Variants in GREB1L observed in about 807,000 individuals in gnomAD.
GREB1L encodes the protein GREB1 like retinoic acid receptor coactivator.
In GREB1L, 17 loss-of-function variants were observed where a neutral mutation model predicts 200.8. The ratio of observed to expected loss-of-function variants is 0.08; its 90% CI spans 0.06 to 0.13. The LOEUF (loss-of-function observed/expected upper bound fraction) is 0.13, where lower values mean the gene tolerates loss of function less well. Among genes scored for constraint, GREB1L ranks in the 10% least tolerant of loss-of-function variants. GREB1L has a pLI of 1.00. For missense variants in GREB1L, 1,657 were observed against 2,367.7 expected, an observed-to-expected ratio of 0.70 and a Z score of 6.23; for synonymous variants, 789 against 893.0, an observed-to-expected ratio of 0.88 and a Z score of 2.08.
chr18:21,246,665 T>A (rs2037608001), intron 1 of GREB1L, among the ~76,000 whole-genome samples: 1 of 152,226 alleles, frequency 6.6e-6, no homozygotes, highest in African/African-American at 2.4e-5. Context: ...TCCAATAGAC[T>A]TTTTTCAAAC....
intron 23 of GREB1L, among the ~76,000 whole-genome samples, chr18:21,502,576 G>T (rs1366320312): frequency 6.6e-6 from 1 of 152,172 alleles, no homozygotes; most frequent in Non-Finnish European, 1.5e-5. Context: ...CTTCAGGCCT[G>T]TTTCCATTTC....
intron 21 of GREB1L, among the ~76,000 whole-genome samples, chr18:21,497,860 C>T (rs1423860901): frequency 1.7e-5 from 2 of 117,520 alleles, no homozygotes; most frequent in Admixed American, 1.1e-4. Context: ...TCGCTCTTGT[C>T]CCCCAGGCTA....
chr18:21,450,317 TTTTG>T (rs1415204581), intron 12 of GREB1L, among the ~76,000 whole-genome samples: 2 of 151,990 alleles, frequency 1.3e-5, no homozygotes, highest in African/African-American at 4.8e-5. Flanking sequence ...GGGAGGGGAT[TTTTG>T]TTTGTTTGTT....
At chr18:21,446,952 C>G (rs1055244179) in intron 11 of GREB1L, among the ~76,000 whole-genome samples, 7 of 152,144 alleles carry the variant, frequency 4.6e-5, no homozygotes, top group Non-Finnish European at 1.0e-4. Flanking sequence ...TCTTGTAAGG[C>G]TCTGAGTCTA....
chr18:21,479,112 C>T (rs2145747811), intron 17 of GREB1L, among the ~76,000 whole-genome samples: 1 of 152,160 alleles, frequency 6.6e-6, no homozygotes, highest in South Asian at 2.1e-4. Context: ...GAACTCGCAA[C>T]CTCAGTTGAT....
intron 7 of GREB1L, among the ~76,000 whole-genome samples, chr18:21,433,165 T>C (rs963801235): frequency 6.6e-6 from 1 of 152,230 alleles, no homozygotes; most frequent in Admixed American, 6.5e-5. Context: ...TCCAGAAATA[T>C]TATGACGTTT....
chr18:21,305,668 A>G (rs1242295370), intron 1 of GREB1L, among the ~76,000 whole-genome samples: 1 of 152,220 alleles, frequency 6.6e-6, no homozygotes, highest in Non-Finnish European at 1.5e-5. Flanking sequence ...AGCAGAAGTC[A>G]GATCCTCTCC....
chr18:21,465,599 A>G (rs1263110656), intron 15 of GREB1L, among the ~76,000 whole-genome samples: 2 of 152,210 alleles, frequency 1.3e-5, no homozygotes, highest in Non-Finnish European at 2.9e-5. Flanking sequence ...GTATACAGGT[A>G]TTTATGACAC....
chr18:21,286,240 A>G lies in GREB1L; in HGVS notation c.-120+43847A>G, dbSNP rs149744912. Among the ~76,000 whole-genome samples the G allele has an allele frequency of 3.2e-3, 487 of 152,290 alleles. 6 individuals carry two copies. The highest frequency in any genetic ancestry group is 0.011 in the African/African-American group (475 of 41,546). On this transcript the variant is annotated intron_variant, in intron 1 of 32. Transcript: ENST00000424526. ...CTGATAAGCTTATGCCAGGGCTTGG[A>G]TTACCTGTATGTGAAGTTGATTAGG... is the stretch of plus-strand genomic sequence containing the variant.
chr18:21,382,899 C>T (rs2040381055), intron 2 of GREB1L, among the ~76,000 whole-genome samples: 1 of 151,968 alleles, frequency 6.6e-6, no homozygotes, highest in South Asian at 2.1e-4. Flanking sequence ...ATTGAAGGGT[C>T]CCAAATAAGA....
chr18:21,299,341 A>T (rs1182987658), intron 1 of GREB1L, among the ~76,000 whole-genome samples: 1 of 151,968 alleles, frequency 6.6e-6, no homozygotes, highest in Non-Finnish European at 1.5e-5. Context: ...TTTAAGCTAC[A>T]TGGTTTAAAA....
At chr18:21,290,186 A>G (rs1010784117) in intron 1 of GREB1L, among the ~76,000 whole-genome samples, 4 of 152,150 alleles carry the variant, frequency 2.6e-5, no homozygotes, top group African/African-American at 7.2e-5. Flanking sequence ...TCATTCAACT[A>G]CCGAACGGAT....
intron 1 of GREB1L, among the ~76,000 whole-genome samples, chr18:21,352,198 A>C (rs1328906124): frequency 6.6e-6 from 1 of 152,166 alleles, no homozygotes; most frequent in African/African-American, 2.4e-5. Context: ...TGATAAAAAT[A>C]ATATATGAAT....
rs558120185 is a variant in GREB1L at position 21,412,645 on chromosome 18, G to A, written c.832+8651G>A. Reference sequence around the variant, plus strand: ...ACACAGTGATCACCTCTGGGCAGAAGGAGGGAGATGGAATGGGAAGAGCAC... The same window carrying A: ...ACACAGTGATCACCTCTGGGCAGAAAGAGGGAGATGGAATGGGAAGAGCAC... On this transcript the variant is annotated intron_variant, in intron 7 of 32. Coordinates refer to ENST00000424526, the MANE Select transcript of GREB1L (RefSeq NM_001142966.3). Among the ~76,000 whole-genome samples the A allele has an allele frequency of 3.5e-3, 540 of 152,288 alleles. 2 individuals carry two copies. The highest frequency in any genetic ancestry group is 7.9e-3 in the South Asian group (38 of 4,824).
rs2037485417 is a variant in GREB1L at position 21,518,085 on chromosome 18, G to A, written c.5323G>A (p.Asp1775Asn). ...ILPLQYICAP[D>N]SEHTLLAAPA... ...GCCCCTTCAATACATCTGTGCTCCC[G>A]ACAGTGAACACACACTACTGGCAGC... is the stretch of plus-strand genomic sequence containing the variant. The change falls in exon 31 of 33, where the codon GAC (aspartate) becomes AAC (asparagine). Residue 1775 changes from aspartate to asparagine, a missense_variant. By Grantham distance (23) the Asp-to-Asn change is conservative (BLOSUM62 1). This residue lies in a region of GREB1L where 190 missense variants were observed against 230.2 expected (regional missense o/e 0.83). Transcript: ENST00000424526. 3.9e-6 allele frequency: 6 copies of A among 1,551,520 alleles called. No homozygotes were observed. The highest frequency in any genetic ancestry group is 2.4e-5 in the East Asian group (1 of 40,908).
chr18:21,335,884 C>T (rs1478447743), intron 1 of GREB1L, among the ~76,000 whole-genome samples: 3 of 152,002 alleles, frequency 2.0e-5, no homozygotes, highest in Non-Finnish European at 4.4e-5. Flanking sequence ...AGGATGGTCT[C>T]GATCTCCTGA....
At chr18:21,490,448 T>A in intron 19 of GREB1L, 97 bp downstream of exon 19, 1 of 944,732 alleles carries the variant, frequency 1.1e-6, no homozygotes. Flanking sequence ...TTTAATAGAA[T>A]CACATGTGTG....
intron 12 of GREB1L, among the ~76,000 whole-genome samples, 195 bp downstream of exon 12, chr18:21,450,031 G>T (rs942245196): frequency 1.3e-4 from 20 of 151,994 alleles, no homozygotes; most frequent in Non-Finnish European, 2.5e-4. Flanking sequence ...AGTTTGGCTG[G>T]TGCCCCTGTC....
At chr18:21,379,754 C>A (rs1393954882) in intron 2 of GREB1L, among the ~76,000 whole-genome samples, 2 of 152,156 alleles carry the variant, frequency 1.3e-5, no homozygotes, top group African/African-American at 4.8e-5. Flanking sequence ...AGTGGCACAG[C>A]CTATTTCTCC....
Sources: allele counts gnomAD v4.1 joint callset (sites outside exome capture counted in the v4.1 genomes callset), GRCh38; gene constraint gnomAD v4.1.1; regional missense constraint gnomAD v4.1.1; transcripts MANE v1.5; gene names NCBI Gene and HGNC (gene_info 2026-07-23, HGNC 2026-07-21).